PARD6G: variants seen among roughly 807,000 people sequenced by gnomAD.
PARD6G encodes the protein par-6 family cell polarity regulator gamma.
Under a neutral mutation model 10.7 loss-of-function variants are expected in PARD6G, and 7 were observed. The ratio of observed to expected loss-of-function variants is 0.66; its 90% CI spans 0.37 to 1.23. The LOEUF is 1.23. Among genes scored for constraint, PARD6G ranks in the 50% most tolerant of loss-of-function variants. The pLI, the probability that PARD6G is intolerant of heterozygous loss-of-function variation, is 0.02. For synonymous variants in PARD6G, 287 were observed against 269.4 expected, an observed-to-expected ratio of 1.07 and a Z score of -0.64; for missense variants, 548 against 571.8, an observed-to-expected ratio of 0.96 and a Z score of 0.42.
rs1229277780 is a variant in PARD6G, at chr18:80,192,196, C to T, written c.295+10514G>A. Among the ~76,000 whole-genome samples, 2 of 152,166 alleles carry T rather than the reference C, an allele frequency of 1.3e-5. No homozygotes were observed. Among genetic ancestry groups the T allele is most frequent in the Admixed American group, 6.5e-5 (1 of 15,274 alleles). On this transcript the variant is annotated intron_variant, in intron 2 of 2. Coordinates refer to ENST00000353265, the MANE Select transcript of PARD6G (RefSeq NM_032510.4). This position sits in a 1 kb window ranked among gnomAD's most constrained non-coding sequence, Gnocchi z 4.9. Reference sequence around the variant, plus strand: ...CTACGAGACATGATATGACAGTGACCCCTTCGTTCATTCCTGAGAAGCAAG... The same window carrying T: ...CTACGAGACATGATATGACAGTGACTCCTTCGTTCATTCCTGAGAAGCAAG...
chr18:80,195,141 C>A (rs1335379167), intron 2 of PARD6G, among the ~76,000 whole-genome samples: 1 of 152,118 alleles, frequency 6.6e-6, no homozygotes, highest in Non-Finnish European at 1.5e-5. Flanking sequence ...CAAACTGCAC[C>A]CACACAAATG....
rs1302983895 is a variant in PARD6G, at chr18:80,188,992, C to A, written c.295+13718G>T. On this transcript the variant is annotated intron_variant, in intron 2 of 2. Coordinates refer to ENST00000353265, the MANE Select transcript of PARD6G (RefSeq NM_032510.4). This position sits in a 1 kb window ranked among gnomAD's most constrained non-coding sequence, Gnocchi z 5.4. ...AGGCAGCAAGGTAGGCGTTGCCCAG[C>A]CCGGGGTTGCCTGACACTCTCTGGG... Among the ~76,000 whole-genome samples the A allele has an allele frequency of 2.6e-5, 4 of 152,188 alleles. No individual in the cohort carries two copies.
At chr18:80,236,249 A>C (rs2145305014) in intron 1 of PARD6G, among the ~76,000 whole-genome samples, 1 of 152,296 alleles carries the variant, frequency 6.6e-6, no homozygotes, top group South Asian at 2.1e-4. Flanking sequence ...AACGACAAAA[A>C]CCACATGATT....
At chr18:80,168,473 C>T (rs2145248325) in intron 2 of PARD6G, among the ~76,000 whole-genome samples, 1 of 152,044 alleles carries the variant, frequency 6.6e-6, no homozygotes, top group South Asian at 2.1e-4. Flanking sequence ...TATGTTAAAT[C>T]TGGTATTTTC....
Position 80,159,532 on chromosome 18 carries a change from C to T in PARD6G, c.*239G>A, listed in dbSNP as rs186137560. On this transcript the variant is annotated 3_prime_UTR_variant, in exon 3 of 3. Transcript: ENST00000353265. ...GATCTTTTCTATCACTTTGCAAAGG[C>T]GCCAAGACCTGCACTCAGGCCTGGT... 1.2e-5 allele frequency: 6 copies of T among 489,332 alleles called. No individual in the cohort carries two copies. The highest frequency in any genetic ancestry group is 1.9e-5 in the Non-Finnish European group (6 of 314,526). 30.3% of individuals were successfully genotyped at this position (489,332 alleles called of 1,614,324 possible). A position where few individuals can be genotyped will look rare whatever the true frequency, so the allele number is the denominator to read the frequency against.
At chr18:80,186,460 CCCT>C (rs1253400082) in intron 2 of PARD6G, among the ~76,000 whole-genome samples, 11 of 137,304 alleles carry the variant, frequency 8.0e-5, no homozygotes, top group Middle Eastern at 4.1e-3. Flanking sequence ...CACGCATACA[CCCT>C]CAAGGCTCGC....
intron 1 of PARD6G, among the ~76,000 whole-genome samples, chr18:80,206,503 G>T (rs1014240641): frequency 2.6e-5 from 4 of 152,180 alleles, no homozygotes; most frequent in African/African-American, 9.7e-5. Context: ...AACCTTGCAA[G>T]TCAAGTAGTT....
In PARD6G at chr18:80,160,102, C is replaced by A. The variant is rs749385551; in HGVS notation, c.800G>T (p.Gly267Val). The change falls in exon 3 of 3, where the codon GGA becomes GTA. Residue 267 changes from glycine (G) to valine (V), a missense_variant. Around this residue, in one of 2 missense-constraint regions of PARD6G, gnomAD observed 313 missense variants for 279.9 expected, o/e 1.12. Coordinates refer to ENST00000353265, the MANE Select transcript of PARD6G (RefSeq NM_032510.4). ...GCCCGCGGTGCCGTCCGAGGGCGGT[C>A]CCGAGCTGCCCAACGCGCGGCCGCC... Reference protein sequence around the residue: ...VRGGRALGSSGPPSDGTAGFV... With the variant: ...VRGGRALGSSVPPSDGTAGFV... The A allele has an allele frequency of 6.2e-7, 1 of 1,607,208 alleles. No homozygotes were observed. Among genetic ancestry groups the A allele is most frequent in the Admixed American group, 1.7e-5 (1 of 59,712 alleles).
intron 1 of PARD6G, among the ~76,000 whole-genome samples, chr18:80,218,657 C>T (rs935415390): frequency 6.6e-6 from 1 of 152,208 alleles, no homozygotes; most frequent in African/African-American, 2.4e-5. Flanking sequence ...TAGTGGCCCT[C>T]TTATCACAGC....
At position 80,226,452 on chromosome 18, in the gene PARD6G, T is replaced by C. The variant is rs543415682; in HGVS notation, c.72+20825A>G. ...TCCCAAAGGGCTGGGATTACAGGCT[T>C]GAGACTTAGCTTTTAATGTGCCCTT... On this transcript the variant is annotated intron_variant, in intron 1 of 2. Coordinates refer to ENST00000353265, the MANE Select transcript of PARD6G (RefSeq NM_032510.4). Among the ~76,000 whole-genome samples the C allele has an allele frequency of 1.9e-4, 29 of 152,292 alleles. No homozygotes were observed. The East Asian group carries it at 2.5e-3, about 13-fold the overall frequency.
rs1029294496 is a variant in PARD6G at position 80,183,000 on chromosome 18, G to A, written c.295+19710C>T. On this transcript the variant is annotated intron_variant, in intron 2 of 2. Transcript: ENST00000353265. The surrounding 1 kb of genome is among the most constrained non-coding windows in gnomAD (Gnocchi z 4.5). ...CTTCGTCCTGACGTGGCTCCCAGTG[G>A]AATGAGATGGCTGGGGTCTCATGAG... 21 of 671,376 alleles carry A rather than the reference G, an allele frequency of 3.1e-5. No individual in the cohort carries two copies. Among genetic ancestry groups the A allele is most frequent in the Non-Finnish European group, 5.7e-5 (21 of 367,966 alleles). The allele number at this position is 671,376 out of a possible 1,614,324, so 41.6% of individuals were successfully genotyped here.
At chr18:80,195,548 C>CATATATATATATATATATATAT (rs201373415) in intron 2 of PARD6G, among the ~76,000 whole-genome samples, 864 of 81,702 alleles carry the variant, frequency 0.011, 42 homozygotes, top group Non-Finnish European at 0.015. Context: ...TTCAAAGATA[C>CATATATATATATATATATATAT]ATATATATAT....
At chr18:80,216,228 A>T (rs2145290663) in intron 1 of PARD6G, among the ~76,000 whole-genome samples, 1 of 152,244 alleles carries the variant, frequency 6.6e-6, no homozygotes, top group South Asian at 2.1e-4. Flanking sequence ...TAGGCAGAAG[A>T]TCAACAAAAA....
At chr18:80,169,504 T>TCTGGC in intron 2 of PARD6G, 1 of 152,506 alleles carries the variant, frequency 6.6e-6, no homozygotes, top group Admixed American at 6.5e-5. Flanking sequence ...TTCTTCAGAA[T>TCTGGC]CTGATACATC....
rs1404128248 is a variant in PARD6G at position 80,189,624 on chromosome 18, C to T, written c.295+13086G>A. Among the ~76,000 whole-genome samples, 1 of 152,168 alleles carries T rather than the reference C, an allele frequency of 6.6e-6. No homozygotes were observed. The highest frequency in any genetic ancestry group is 2.4e-5 in the African/African-American group (1 of 41,424). On this transcript the variant is annotated intron_variant, in intron 2 of 2. Transcript: ENST00000353265. The surrounding 1 kb of genome is among the most constrained non-coding windows in gnomAD (Gnocchi z 5.5). ...GGAGCCCACCAGGCCAGGCAGGTCA[C>T]CCTGGCCCCACAGTCCTCCCTGCCT...
intron 1 of PARD6G, among the ~76,000 whole-genome samples, chr18:80,237,584 T>C (rs2145305889): frequency 6.6e-6 from 1 of 151,998 alleles, no homozygotes; most frequent in South Asian, 2.1e-4. Context: ...TGGGAGAAAA[T>C]TTTTGCAATC....
intron 1 of PARD6G, among the ~76,000 whole-genome samples, chr18:80,230,480 G>A (rs1967345517): frequency 6.6e-6 from 1 of 152,238 alleles, no homozygotes; most frequent in African/African-American, 2.4e-5. Context: ...CTATGAGTCA[G>A]ATGAGGTGGA....
In PARD6G at chr18:80,215,700, A is replaced by G. The variant is rs576069473; in HGVS notation, c.73-12768T>C. 6.7e-4 allele frequency among the ~76,000 whole-genome samples: 102 copies of G among 152,308 alleles called. 1 individual carries two copies. The highest frequency in any genetic ancestry group is 2.3e-3 in the African/African-American group (94 of 41,586). On this transcript the variant is annotated intron_variant, in intron 1 of 2. Coordinates refer to ENST00000353265, the MANE Select transcript of PARD6G (RefSeq NM_032510.4). ...AAAATATTTAACAGAAAAGAAAGCA[A>G]TAATGGAGAGCAAAATGATGAGACA...
intron 1 of PARD6G, among the ~76,000 whole-genome samples, chr18:80,243,358 G>T (rs1290291359): frequency 1.3e-5 from 2 of 152,058 alleles, no homozygotes; most frequent in Admixed American, 1.3e-4. Flanking sequence ...ATGCCTATTT[G>T]ACCCAAATTC....
Sources: gnomAD v4.1 joint callset for allele counts (sites outside exome capture counted in the v4.1 genomes callset) on GRCh38, gnomAD v4.1.1 for gene constraint, gnomAD v4.1.1 regional missense constraint, Gnocchi (gnomAD v3.1) non-coding constraint, MANE v1.5 for transcripts, NCBI Gene and HGNC (gene_info 2026-07-23, HGNC 2026-07-21) for gene names.